ANKS6: variants seen among roughly 807,000 people sequenced by gnomAD.
ANKS6 encodes the protein ankyrin repeat and sterile alpha motif domain containing 6.
A neutral mutation model predicts 77.9 loss-of-function variants in ANKS6; 47 were observed. That is an observed-to-expected ratio of 0.60 (90% CI 0.48 to 0.77). The LOEUF is 0.77. Ranked by LOEUF, ANKS6 falls within the 30% of genes least tolerant of loss-of-function variation. The probability of loss-of-function intolerance (pLI) is 0.00; values close to 1 mark genes in which losing one functional copy is unlikely to be tolerated. For synonymous variants in ANKS6, 488 were observed against 501.7 expected (o/e 0.97, Z 0.37); for missense variants, 1,150 against 1,159.1 (o/e 0.99, Z 0.11).
rs1461637815 is a variant in ANKS6 at position 98,745,634 on chromosome 9, C to T, written c.2436G>A (p.Leu812=). Residue 812 remains leucine, a synonymous_variant, in exon 14 of 15, where the codon TTG becomes TTA. Coordinates refer to ENST00000353234, the MANE Select transcript of ANKS6 (RefSeq NM_173551.5). ...EAFLTLTDGD[L]KELGIKTDGS... ...CATCTGTCTTAATTCCCAGCTCCTTCAAGTCACCGTCAGTCAGTGTGAGGA... is the reference window on the plus strand; with the variant it reads ...CATCTGTCTTAATTCCCAGCTCCTTTAAGTCACCGTCAGTCAGTGTGAGGA... 6.2e-7 allele frequency: 1 copy of T among 1,614,188 alleles called. No individual in the cohort carries two copies.
At chr9:98,795,545 C>T (rs1309479526) in intron 1 of ANKS6, among the ~76,000 whole-genome samples, 1 of 152,214 alleles carries the variant, frequency 6.6e-6, no homozygotes, top group Non-Finnish European at 1.5e-5. Flanking sequence ...AGCTCGTGCA[C>T]CCAAGCCTTT....
intron 12 of ANKS6, among the ~76,000 whole-genome samples, chr9:98,753,471 T>C (rs72733207): frequency 3.0e-4 from 46 of 152,316 alleles, no homozygotes; most frequent in South Asian, 1.9e-3. Context: ...TGTTAACATT[T>C]TCCCATCACT....
intron 2 of ANKS6, among the ~76,000 whole-genome samples, chr9:98,786,143 T>G (rs1834552357): frequency 6.6e-6 from 1 of 152,024 alleles, no homozygotes; most frequent in African/African-American, 2.4e-5. Flanking sequence ...TACACCCAGC[T>G]AATTTTTGTA....
At position 98,784,110 on chromosome 9, in the gene ANKS6, C is replaced by A. The variant is rs769832639; in HGVS notation, c.955G>T (p.Val319Leu). The change falls in exon 4 of 15, where the codon GTG (valine) becomes TTG (leucine). Residue 319 changes from valine to leucine, a missense_variant. Coordinates refer to ENST00000353234, the MANE Select transcript of ANKS6 (RefSeq NM_173551.5). ...KEIADEDPSH[V>L]NLVNGDGATP... Reference sequence around the variant, plus strand: ...GCCCCGTCCCCATTGACCAAGTTCACGTGGCTGGGGTCTTCATCGGCAATC... The same window carrying A: ...GCCCCGTCCCCATTGACCAAGTTCAAGTGGCTGGGGTCTTCATCGGCAATC... 9.5e-6 allele frequency: 15 copies of A among 1,578,760 alleles called. No individual in the cohort carries two copies. Among genetic ancestry groups the A allele is most frequent in the Non-Finnish European group, 1.2e-5 (14 of 1,158,616 alleles).
In ANKS6 at chr9:98,735,966, G is replaced by A; in HGVS notation, c.*553C>T. On this transcript the variant is annotated 3_prime_UTR_variant, in exon 15 of 15. Coordinates refer to ENST00000353234, the MANE Select transcript of ANKS6 (RefSeq NM_173551.5). The stretch of plus-strand genomic sequence containing the variant: ...CAAGTTAGAAGTTTTAAGGGAAGAT[G>A]TGCCAGGAAGGCTAACCTCTCACCA... 1 of 1,227,586 alleles carries A rather than the reference G, an allele frequency of 8.1e-7. No homozygotes were observed. The highest frequency in any genetic ancestry group is 1.0e-6 in the Non-Finnish European group (1 of 986,042). The allele number at this position is 1,227,586 out of a possible 1,614,324, so 76.0% of individuals were successfully genotyped here. A position where few individuals can be genotyped will look rare whatever the true frequency, so the allele number is the denominator to read the frequency against.
chr9:98,751,986 T>C (rs1443174695), intron 12 of ANKS6, among the ~76,000 whole-genome samples: 3 of 152,138 alleles, frequency 2.0e-5, no homozygotes, highest in Admixed American at 6.5e-5. Context: ...CTCGGGAGGC[T>C]GAAGCAAGAG....
rs1438305048 is a variant in ANKS6, at chr9:98,733,076, C to T, written c.*3443G>A. The T allele has an allele frequency of 3.7e-6, 3 of 813,350 alleles. No individual in the cohort carries two copies. Among genetic ancestry groups the T allele is most frequent in the Non-Finnish European group, 4.5e-6 (3 of 671,068 alleles). The allele number at this position is 813,350 out of a possible 1,614,324, so 50.4% of individuals were successfully genotyped here. ...CTTCATCACCACACCATCTCACCGA[C>T]ATGATTGTCTCCTCTAAGATACTGT... On this transcript the variant is annotated 3_prime_UTR_variant, in exon 15 of 15. Transcript: ENST00000353234.
chr9:98,790,644 C>A (rs1401012402), intron 1 of ANKS6, 38 bp from the exon 2 acceptor site: 2 of 1,575,292 alleles, frequency 1.3e-6, no homozygotes, highest in Non-Finnish European at 1.7e-6. Flanking sequence ...ACTGAACACA[C>A]AGCACTCGGG....
chr9:98,795,996 C>T (rs998930190), intron 1 of ANKS6, 137 bp downstream of exon 1: 5 of 823,004 alleles, frequency 6.1e-6, no homozygotes, highest in Non-Finnish European at 8.1e-6. Flanking sequence ...TTACAAAAGA[C>T]TACTCAAAGT....
chr9:98,782,853 T>C (rs1422571990), intron 4 of ANKS6, among the ~76,000 whole-genome samples: 1 of 151,910 alleles, frequency 6.6e-6, no homozygotes, highest in African/African-American at 2.4e-5. Flanking sequence ...GAAGCCAAGG[T>C]GGGAGGATCA....
Position 98,784,079 on chromosome 9 carries a change from GGC to G in ANKS6, c.984_985del (p.Pro329ThrfsTer24). On this transcript the variant is annotated frameshift_variant, in exon 4 of 15. Transcript: ENST00000353234. LOFTEE classifies it high-confidence loss of function. Reference sequence around the variant, plus strand: ...CCCCGTAACAGCTGCTAGCATCAGTGGCGTCGCCCCGTCCCCATTGACCAAGT... The same window carrying G: ...CCCCGTAACAGCTGCTAGCATCAGTGGTCGCCCCGTCCCCATTGACCAAGT... 1 of 1,608,296 alleles carries G rather than the reference GGC, an allele frequency of 6.2e-7. No homozygotes were observed. The highest frequency in any genetic ancestry group is 8.5e-7 in the Non-Finnish European group (1 of 1,177,206).
chr9:98,756,584 C>T lies in ANKS6; in HGVS notation c.2162G>A (p.Arg721Lys), dbSNP rs1367629186. Residue 721 changes from arginine to lysine, a missense_variant, in exon 12 of 15, where the codon AGG becomes AAG. Coordinates refer to ENST00000353234, the MANE Select transcript of ANKS6 (RefSeq NM_173551.5). ...PVGKKLETSK[R>K]PPSGTSTTSK... ...GGTAGTGGAAGTTCCAGATGGAGGC[C>T]TTTTGCTGGTCTCCAATTTCTGCTG... 7.1e-6 allele frequency: 11 copies of T among 1,542,762 alleles called. No individual in the cohort carries two copies. Among genetic ancestry groups the T allele is most frequent in the African/African-American group, 4.2e-5 (3 of 72,080 alleles).
intron 2 of ANKS6, among the ~76,000 whole-genome samples, chr9:98,787,759 G>C (rs2118155435): frequency 6.6e-6 from 1 of 152,308 alleles, no homozygotes; most frequent in Non-Finnish European, 1.5e-5. Flanking sequence ...TAGTCCTGCA[G>C]GGCCAATTAA....
Position 98,778,298 on chromosome 9 carries a change from T to C in ANKS6, c.1495A>G (p.Met499Val), listed in dbSNP as rs201065079. 9.3e-6 allele frequency: 15 copies of C among 1,614,018 alleles called. No individual in the cohort carries two copies. Among genetic ancestry groups the C allele is most frequent in the Admixed American group, 3.3e-5 (2 of 60,002 alleles). Reference sequence around the variant, plus strand: ...GTCTTGTCCTGGGGGGCAGCCCTCATTGTGGAGTCCAGAGCTGGCTCAGGC... The same window carrying C: ...GTCTTGTCCTGGGGGGCAGCCCTCACTGTGGAGTCCAGAGCTGGCTCAGGC... ...DEPEPALDST[M>V]RAAPQDKTSR... Residue 499 changes from methionine (M) to valine (V), a missense_variant, in exon 7 of 15, where the codon ATG becomes GTG. Physicochemically the swap from Met to Val is conservative, Grantham distance 21. Coordinates refer to ENST00000353234, the MANE Select transcript of ANKS6 (RefSeq NM_173551.5).
At chr9:98,744,341 A>G (rs1224924633) in intron 14 of ANKS6, among the ~76,000 whole-genome samples, 1 of 152,204 alleles carries the variant, frequency 6.6e-6, no homozygotes, top group East Asian at 1.9e-4. Context: ...GCCTCTGCAC[A>G]GCACAGTGCT....
intron 8 of ANKS6, 59 bp downstream of exon 8, chr9:98,777,346 A>G (rs1833971889): frequency 1.9e-6 from 3 of 1,553,308 alleles, no homozygotes; most frequent in African/African-American, 1.4e-5. Context: ...CTCCTTGTAA[A>G]TCAATCAACT....
rs150296590 is a variant in ANKS6 at position 98,761,944 on chromosome 9, G to C, written c.2143-5341C>G. ...TTCTAGATCTCTACAAAAAGAGCTT[G>C]CTGGGATTTTGACTGGGATTACATT... On this transcript the variant is annotated intron_variant, in intron 11 of 14. Coordinates refer to ENST00000353234, the MANE Select transcript of ANKS6 (RefSeq NM_173551.5). 2.0e-3 allele frequency among the ~76,000 whole-genome samples: 304 copies of C among 152,208 alleles called. 8 individuals are homozygous for C. Among genetic ancestry groups the C allele is most frequent in the Non-Finnish European group, 2.2e-4 (15 of 68,008 alleles).
chr9:98,754,853 T>C (rs1832613009), intron 12 of ANKS6, among the ~76,000 whole-genome samples: 1 of 152,150 alleles, frequency 6.6e-6, no homozygotes, highest in South Asian at 2.1e-4. Flanking sequence ...TTTTTAATAA[T>C]GAACAAGAGG....
chr9:98,774,318 G>C (rs1387963263), intron 8 of ANKS6, among the ~76,000 whole-genome samples: 1 of 152,180 alleles, frequency 6.6e-6, no homozygotes, highest in Non-Finnish European at 1.5e-5. Context: ...GATCAGAATG[G>C]GGCAGAGGAG....
Sources: allele counts gnomAD v4.1 joint callset (sites outside exome capture counted in the v4.1 genomes callset), GRCh38; gene constraint gnomAD v4.1.1; transcripts MANE v1.5; gene names NCBI Gene and HGNC (gene_info 2026-07-23, HGNC 2026-07-21).